The following ODF2 variants were observed in gnomAD, a reference collection of about 807,000 sequenced individuals.
ODF2 encodes outer dense fiber protein 2.
A neutral mutation model predicts 110.2 loss-of-function variants in ODF2; 47 were observed. That is an observed-to-expected ratio of 0.43 (90% CI 0.34 to 0.54). The LOEUF is 0.54. Among genes scored for constraint, ODF2 ranks in the 20% least tolerant of loss-of-function variants. The probability of loss-of-function intolerance (pLI) is 0.03; values close to 1 mark genes in which losing one functional copy is unlikely to be tolerated. For missense variants in ODF2, 812 were observed against 1,054.5 expected (o/e 0.77, Z 3.19); for synonymous variants, 352 against 397.7 (o/e 0.89, Z 1.37).
At chr9:128,476,941 A>G (rs1841408640) in intron 8 of ODF2, among the ~76,000 whole-genome samples, 1 of 150,160 alleles carries the variant, frequency 6.7e-6, no homozygotes, top group Non-Finnish European at 1.5e-5. Context: ...GCCCGGCCTT[A>G]TCTTTAAAAA....
At chr9:128,473,409 C>A in intron 7 of ODF2, 1 of 648,342 alleles carries the variant, frequency 1.5e-6, no homozygotes, top group Non-Finnish European at 1.9e-6. Flanking sequence ...CCTTTCTCCA[C>A]CTTTGCTCGG....
At chr9:128,473,633 C>T in exon 8 of ODF2, 1 of 1,613,678 alleles carries the variant, frequency 6.2e-7, no homozygotes, top group Non-Finnish European at 8.5e-7. Flanking sequence ...CCTGCACGGA[C>T]ATCAACACCC....
chr9:128,458,378 C>T (rs1310078696), intron 2 of ODF2, among the ~76,000 whole-genome samples: 1 of 150,228 alleles, frequency 6.7e-6, no homozygotes, highest in African/African-American at 2.4e-5. Context: ...TGGAGAATTG[C>T]TTGAAGCCAG....
intron 9 of ODF2, among the ~76,000 whole-genome samples, chr9:128,481,858 A>G (rs1842462229): frequency 6.6e-6 from 1 of 152,224 alleles, no homozygotes; most frequent in Non-Finnish European, 1.5e-5. Context: ...ACCTTGAGCC[A>G]CAAAGCTGGA....
At chr9:128,472,814 G>T in intron 6 of ODF2, 99 bp from the exon 7 acceptor site, 1 of 1,563,840 alleles carries the variant, frequency 6.4e-7, no homozygotes, top group South Asian at 1.2e-5. Context: ...ACTTTTCCCT[G>T]ACCAGAGGTG....
chr9:128,486,282 A>G (rs1391386288), intron 13 of ODF2, among the ~76,000 whole-genome samples: 2 of 152,166 alleles, frequency 1.3e-5, no homozygotes, highest in African/African-American at 2.4e-5. Flanking sequence ...AGAACTCACT[A>G]TGTGCCAGGC....
chr9:128,471,100 G>C (rs535119834), intron 5 of ODF2, among the ~76,000 whole-genome samples: 16 of 152,248 alleles, frequency 1.1e-4, no homozygotes, highest in African/African-American at 3.8e-4. Context: ...TTTCAGTAGA[G>C]ATGGGGTTTC....
rs373651420 is a variant in ODF2 at position 128,464,861 on chromosome 9, T to G, written c.249+3794T>G. Among the ~76,000 whole-genome samples, 4 of 558 alleles carry G rather than the reference T, an allele frequency of 7.2e-3. 2 individuals carry two copies. The highest frequency in any genetic ancestry group is 0.071 in the Non-Finnish European group (2 of 28). The allele number at this position is 558 out of a possible 152,430, so 0.4% of individuals were successfully genotyped here. On this transcript the variant is annotated intron_variant, in intron 4 of 20. Transcript: ENST00000604420. ...CGCCCGCCACTACGCCCGGCTAATTTTTTTTGTATTTTTAGTAGAGACGGG... is the reference window on the plus strand; with the variant it reads ...CGCCCGCCACTACGCCCGGCTAATTGTTTTTGTATTTTTAGTAGAGACGGG...
chr9:128,484,843 G>A (rs755974244), exon 12 of ODF2: 2 of 1,614,098 alleles, frequency 1.2e-6, no homozygotes, highest in Non-Finnish European at 1.7e-6. Context: ...GCCGAGAAGA[G>A]CGAGGAGTAT....
intron 8 of ODF2, among the ~76,000 whole-genome samples, chr9:128,475,708 C>T (rs755819811): frequency 6.6e-5 from 10 of 151,676 alleles, no homozygotes; most frequent in African/African-American, 1.9e-4. Flanking sequence ...TACAGTGGCG[C>T]GATCTCTGTT....
exon 21 of ODF2, chr9:128,500,336 G>C (rs1846331183): frequency 7.0e-7 from 1 of 1,429,338 alleles, no homozygotes; most frequent in African/African-American, 1.4e-5. Flanking sequence ...AAGCCTGGTG[G>C]TTTTCCTCTC....
At chr9:128,467,866 C>T (rs1361666231) in intron 4 of ODF2, among the ~76,000 whole-genome samples, 1 of 151,856 alleles carries the variant, frequency 6.6e-6, no homozygotes, top group Non-Finnish European at 1.5e-5. Context: ...CCTGCTACCA[C>T]GCCCGGCTAA....
rs532713633 is a variant in ODF2 at position 128,489,311 on chromosome 9, C to T, written c.1536+1286C>T. Among the ~76,000 whole-genome samples the T allele has an allele frequency of 3.9e-5, 6 of 152,258 alleles. No homozygotes were observed. The South Asian group carries it at 1.2e-3, about 32-fold the overall frequency. On this transcript the variant is annotated intron_variant, in intron 14 of 20. Transcript: ENST00000604420. The stretch of plus-strand genomic sequence containing the variant: ...TAAGATTGATTTTAAGGAAGAATAA[C>T]ATATGGAAAAGTACACAGATCCTAG...
In ODF2 at chr9:128,466,406, G is replaced by T. The variant is rs999850694; in HGVS notation, c.250-2777G>T. Among the ~76,000 whole-genome samples, 6 of 151,376 alleles carry T rather than the reference G, an allele frequency of 4.0e-5. No homozygotes were observed. In the East Asian group the frequency reaches 1.2e-3, roughly 30 times the overall value. ...GGGTTGAGCCTGGGAGGCAGAGGTTGCAGTGAACCAAAGTTGTGCTACTGC... is the reference window on the plus strand; with the variant it reads ...GGGTTGAGCCTGGGAGGCAGAGGTTTCAGTGAACCAAAGTTGTGCTACTGC... On this transcript the variant is annotated intron_variant, in intron 4 of 20. Coordinates refer to ENST00000604420, the Ensembl canonical transcript of ODF2.
Position 128,482,765 on chromosome 9 carries a change from G to A in ODF2, c.916-51G>A, listed in dbSNP as rs373094331. 3.8e-5 allele frequency: 55 copies of A among 1,452,328 alleles called. No homozygotes were observed. The Middle Eastern group carries it at 2.5e-3, about 65-fold the overall frequency. 90.0% of individuals were successfully genotyped at this position (1,452,328 alleles called of 1,614,324 possible). A position where few individuals can be genotyped will look rare whatever the true frequency, so the allele number is the denominator to read the frequency against. On this transcript the variant is annotated intron_variant, in intron 9 of 20. Transcript: ENST00000604420. ...CACAAATCTCTGTCCTCCCTGGGCC[G>A]GGCCTCTTTGCCCTTCCCAGGGGCA...
chr9:128,455,496 G>A (rs1283088159), upstream of ODF2, among the ~76,000 whole-genome samples: 2 of 146,580 alleles, frequency 1.4e-5, no homozygotes, highest in East Asian at 4.0e-4. Context: ...GGAGGTTGCG[G>A]TGAGCCGAGA....
chr9:128,494,915 C>T lies in ODF2; in HGVS notation c.1911+247C>T. The T allele has an allele frequency of 1.5e-6, 2 of 1,303,112 alleles. No homozygotes were observed. The highest frequency in any genetic ancestry group is 2.0e-6 in the Non-Finnish European group (2 of 976,834). 80.7% of individuals were successfully genotyped at this position (1,303,112 alleles called of 1,614,324 possible). A position where few individuals can be genotyped will look rare whatever the true frequency, so the allele number is the denominator to read the frequency against. On this transcript the variant is annotated intron_variant, in intron 17 of 20. Coordinates refer to ENST00000604420, the Ensembl canonical transcript of ODF2. This position sits in a 1 kb window ranked among gnomAD's most constrained non-coding sequence, Gnocchi z 4.6. Reference sequence around the variant, plus strand: ...AGTCACTGGGCCCTCCTGCTGTTGCCCCCACCCAAGACTGCTGCCTCTGCC... The same window carrying T: ...AGTCACTGGGCCCTCCTGCTGTTGCTCCCACCCAAGACTGCTGCCTCTGCC...
At chr9:128,468,426 G>A (rs1282194119) in intron 4 of ODF2, among the ~76,000 whole-genome samples, 1 of 152,124 alleles carries the variant, frequency 6.6e-6, no homozygotes, top group Non-Finnish European at 1.5e-5. Context: ...ATGCAGTGGT[G>A]CTATCATAGC....
chr9:128,455,842 C>G (rs1005398651), upstream of ODF2, among the ~76,000 whole-genome samples: 1 of 152,148 alleles, frequency 6.6e-6, no homozygotes, highest in African/African-American at 2.4e-5. Context: ...GCGTCGGAAC[C>G]GTACGCTCCT....
Sources: allele counts gnomAD v4.1 joint callset (sites outside exome capture counted in the v4.1 genomes callset), GRCh38; gene constraint gnomAD v4.1.1; non-coding constraint Gnocchi (gnomAD v3.1); transcripts MANE v1.5; gene names NCBI Gene and HGNC (gene_info 2026-07-23, HGNC 2026-07-21).